The following BBS12 variants were observed in gnomAD, a reference collection of about 807,000 sequenced individuals.
BBS12 encodes the protein chaperonin-containing T-complex member BBS12.
Under a neutral mutation model 5.6 loss-of-function variants are expected in BBS12, and 5 were observed. That is an observed-to-expected ratio of 0.89 (90% CI 0.46 to 1.86). The LOEUF is 1.86. Ranked by LOEUF, BBS12 falls within the 40% of genes most tolerant of loss-of-function variation. The pLI, the probability that BBS12 is intolerant of heterozygous loss-of-function variation, is 0.01. For synonymous variants in BBS12, 308 were observed against 306.8 expected (o/e 1.00, Z -0.04); for missense variants, 748 against 830.4 (o/e 0.90, Z 1.22).
At chr4:122,701,280 C>A in the BBS12 span, among the ~76,000 whole-genome samples, 1 of 152,260 alleles carries the variant, frequency 6.6e-6, no homozygotes, top group South Asian at 2.1e-4. Flanking sequence ...AACACCTACA[C>A]AGTGTGCTGC....
chr4:122,707,226 C>A, the BBS12 span, among the ~76,000 whole-genome samples: 1 of 151,864 alleles, frequency 6.6e-6, no homozygotes, highest in South Asian at 2.1e-4. Context: ...CTAGAATTTT[C>A]TTTTTCAATT....
At chr4:122,727,834 T>G (rs1186047964), upstream of BBS12, among the ~76,000 whole-genome samples, 1 of 151,994 alleles carries the variant, frequency 6.6e-6, no homozygotes, top group Non-Finnish European at 1.5e-5. Context: ...TGAGCCACTG[T>G]GCCCAGCCAC....
intron 1 of BBS12, among the ~76,000 whole-genome samples, chr4:122,734,322 G>A (rs1237100020): frequency 6.6e-6 from 1 of 151,788 alleles, no homozygotes; most frequent in African/African-American, 2.4e-5. Flanking sequence ...CTGGAGTGCA[G>A]TGGCTCAATC....
the BBS12 span, among the ~76,000 whole-genome samples, chr4:122,709,064 C>T: frequency 2.0e-5 from 3 of 150,958 alleles, no homozygotes; most frequent in South Asian, 2.1e-4. Context: ...TCTGTGTAGA[C>T]GTGTGTGTGT....
At chr4:122,739,376 T>C (rs1417446970) in intron 1 of BBS12, among the ~76,000 whole-genome samples, 1 of 152,198 alleles carries the variant, frequency 6.6e-6, no homozygotes, top group East Asian at 1.9e-4. Flanking sequence ...TTAAAGATAT[T>C]TGCTCCTCCT....
In BBS12 at chr4:122,743,573, G is replaced by C. The variant is rs1219749542; in HGVS notation, c.1681G>C (p.Glu561Gln). The C allele has an allele frequency of 6.2e-7, 1 of 1,614,136 alleles. No individual in the cohort carries two copies. Among genetic ancestry groups the C allele is most frequent in the South Asian group, 1.1e-5 (1 of 91,078 alleles). Residue 561 changes from glutamate to glutamine, a missense_variant, in exon 2 of 2, where the codon GAA becomes CAA. Transcript: ENST00000314218. ...TCTTGCAGAGCAATCTCTGAAAAAA[G>C]AAAACCATGCCTGCTCAGGGTGGCT... ...HILAEQSLKK[E>Q]NHACSGWLHN... is the part of the protein sequence containing the mutation.
the BBS12 span, among the ~76,000 whole-genome samples, chr4:122,724,661 A>T: frequency 1.3e-5 from 2 of 152,208 alleles, no homozygotes; most frequent in African/African-American, 4.8e-5. Flanking sequence ...TCAAATTCCA[A>T]CTTATCTACC....
the BBS12 span, among the ~76,000 whole-genome samples, chr4:122,716,888 C>A: frequency 6.6e-6 from 1 of 152,008 alleles, no homozygotes; most frequent in Non-Finnish European, 1.5e-5. Context: ...TTTACATTTT[C>A]CCCTAAATTA....
At chr4:122,707,045 T>TCG in the BBS12 span, among the ~76,000 whole-genome samples, 2 of 95,142 alleles carry the variant, frequency 2.1e-5, no homozygotes, top group Non-Finnish European at 3.8e-5. Flanking sequence ...TTTGTCTCTC[T>TCG]CTCTCTCTCT....
the BBS12 span, among the ~76,000 whole-genome samples, chr4:122,716,695 GTGTGTGTA>G: frequency 1.4e-4 from 15 of 109,718 alleles, no homozygotes; most frequent in Admixed American, 8.3e-4. Flanking sequence ...ATATGTGTAT[GTGTGTGTA>G]TACATACACA....
chr4:122,726,141 G>A, the BBS12 span, among the ~76,000 whole-genome samples: 2 of 151,946 alleles, frequency 1.3e-5, no homozygotes, highest in Non-Finnish European at 2.9e-5. Context: ...ACAGACAACC[G>A]ACAGAGTGGG....
the BBS12 span, among the ~76,000 whole-genome samples, chr4:122,716,717 GTGTGTATATACA>G: frequency 8.4e-6 from 1 of 118,412 alleles, no homozygotes; most frequent in African/African-American, 4.0e-5. Context: ...ATACACATAT[GTGTGTATATACA>G]CACACACGTG....
At chr4:122,713,064 C>T in the BBS12 span, among the ~76,000 whole-genome samples, 1 of 152,078 alleles carries the variant, frequency 6.6e-6, no homozygotes, top group East Asian at 1.9e-4. Flanking sequence ...GCTGGGTGCA[C>T]GCAGTTACCA....
Position 122,742,039 on chromosome 4 carries a change from A to T in BBS12, c.147A>T (p.Leu49Phe). The T allele has an allele frequency of 6.2e-7, 1 of 1,614,168 alleles. No homozygotes were observed. The highest frequency in any genetic ancestry group is 1.6e-4 in the Middle Eastern group (1 of 6,062). The change falls in exon 2 of 2, where the codon TTA becomes TTT. Residue 49 changes from leucine (L) to phenylalanine (F), a missense_variant. Transcript: ENST00000314218. ...IIDEECHESV[L>F]ISSTVRLLES... The stretch of plus-strand genomic sequence containing the variant: ...ATGAAGAATGTCATGAAAGTGTATT[A>T]ATCAGTTCAACAGTAAGGCTTCTTG...
chr4:122,728,585 C>T (rs1037757266), upstream of BBS12: 1 of 152,140 alleles, frequency 6.6e-6, no homozygotes, highest in East Asian at 1.9e-4. Flanking sequence ...TACTTTTAAC[C>T]ATTTGAAGGC....
chr4:122,713,396 G>A, the BBS12 span, among the ~76,000 whole-genome samples: 15 of 152,204 alleles, frequency 9.9e-5, no homozygotes, highest in South Asian at 2.9e-3. Flanking sequence ...GGACGCTGAA[G>A]CAGGAGGATT....
At chr4:122,704,146 G>C in the BBS12 span, among the ~76,000 whole-genome samples, 2 of 152,192 alleles carry the variant, frequency 1.3e-5, no homozygotes, top group Non-Finnish European at 2.9e-5. Flanking sequence ...CACCATGCCT[G>C]GCCAGGTCTT....
At chr4:122,725,653 C>G in the BBS12 span, among the ~76,000 whole-genome samples, 1 of 152,018 alleles carries the variant, frequency 6.6e-6, no homozygotes, top group African/African-American at 2.4e-5. Context: ...AATCCTAGCA[C>G]TTTGGGAGGC....
chr4:122,709,858 G>A, the BBS12 span, among the ~76,000 whole-genome samples: 17 of 152,112 alleles, frequency 1.1e-4, no homozygotes, highest in Admixed American at 5.9e-4. Flanking sequence ...ATTTCACCAC[G>A]TTGGCCAGGC....
Sources: gnomAD v4.1 joint callset for allele counts (sites outside exome capture counted in the v4.1 genomes callset) on GRCh38, gnomAD v4.1.1 for gene constraint, MANE v1.5 for transcripts, NCBI Gene and HGNC (gene_info 2026-07-23, HGNC 2026-07-21) for gene names.